The following YTHDC2 variants were observed in gnomAD, a reference collection of about 807,000 sequenced individuals.
YTHDC2 encodes 3'-5' RNA helicase YTHDC2.
A neutral mutation model predicts 174.9 loss-of-function variants in YTHDC2; 45 were observed. The ratio of observed to expected loss-of-function variants is 0.26; its 90% CI spans 0.20 to 0.33. YTHDC2 has a LOEUF of 0.33. YTHDC2 is among the 10% of genes least tolerant of loss of function. The probability of loss-of-function intolerance (pLI) is 1.00; values close to 1 mark genes in which losing one functional copy is unlikely to be tolerated. For synonymous variants in YTHDC2, 657 were observed against 574.5 expected, an observed-to-expected ratio of 1.14 and a Z score of -2.05; for missense variants, 1,650 against 1,723.7, an observed-to-expected ratio of 0.96 and a Z score of 0.76.
At chr5:113,546,226 A>G (rs1016001848) in intron 10 of YTHDC2, among the ~76,000 whole-genome samples, 2 of 152,204 alleles carry the variant, frequency 1.3e-5, no homozygotes, top group Non-Finnish European at 2.9e-5. Context: ...TTTATGATGC[A>G]TTTTAAGTAT....
chr5:113,570,758 C>G (rs1777661202), intron 23 of YTHDC2, among the ~76,000 whole-genome samples: 1 of 152,118 alleles, frequency 6.6e-6, no homozygotes, highest in Non-Finnish European at 1.5e-5. Flanking sequence ...TCAAGCAATT[C>G]TGCTGCCTCA....
chr5:113,571,179 T>TA (rs1441661628), intron 23 of YTHDC2, among the ~76,000 whole-genome samples: 1 of 152,246 alleles, frequency 6.6e-6, no homozygotes, highest in Non-Finnish European at 1.5e-5. Context: ...ATTGAGTTTT[T>TA]AACACGAAGA....
intron 4 of YTHDC2, among the ~76,000 whole-genome samples, chr5:113,528,007 A>C (rs1428109552): frequency 6.6e-6 from 1 of 152,098 alleles, no homozygotes; most frequent in Non-Finnish European, 1.5e-5. Flanking sequence ...TACTCCAGAG[A>C]ATTTGTTTAG....
intron 23 of YTHDC2, among the ~76,000 whole-genome samples, chr5:113,577,541 C>G (rs1326340035): frequency 6.6e-6 from 1 of 151,826 alleles, no homozygotes; most frequent in African/African-American, 2.4e-5. Flanking sequence ...GGCTAATGTT[C>G]ATATTTTTTG....
intron 2 of YTHDC2, among the ~76,000 whole-genome samples, chr5:113,522,331 T>A (rs1296309030): frequency 6.6e-6 from 1 of 152,160 alleles, no homozygotes; most frequent in Admixed American, 6.5e-5. Flanking sequence ...CCTTTTAAAT[T>A]AGTAAATTGA....
chr5:113,588,130 C>T (rs567935128), intron 26 of YTHDC2, among the ~76,000 whole-genome samples: 1 of 152,120 alleles, frequency 6.6e-6, no homozygotes, highest in East Asian at 1.9e-4. Flanking sequence ...ATTCTATTAG[C>T]TTTTTATGCC....
chr5:113,561,081 G>A lies in YTHDC2; in HGVS notation c.2218G>A (p.Ala740Thr). Reference protein sequence around the residue: ...KASAIQRKGRAGRCRPGICFR... With the variant: ...KASAIQRKGRTGRCRPGICFR... ...CTAATCTTGTACTTTATTTTTAAGG[G>A]CAGGGCGATGTAGACCTGGAATTTG... is the stretch of plus-strand genomic sequence containing the variant. The change falls in exon 18 of 30, where the codon GCA (alanine) becomes ACA (threonine). Residue 740 changes from alanine to threonine, a missense_variant and splice_region_variant. Physicochemically the swap from Ala to Thr is moderately conservative, Grantham distance 58. Coordinates refer to ENST00000161863, the MANE Select transcript of YTHDC2 (RefSeq NM_022828.5). 2 of 1,601,818 alleles carry A rather than the reference G, an allele frequency of 1.2e-6. No homozygotes were observed. The highest frequency in any genetic ancestry group is 1.1e-5 in the South Asian group (1 of 88,286).
chr5:113,563,214 G>A (rs1777115488), intron 18 of YTHDC2, among the ~76,000 whole-genome samples, 159 bp from the exon 19 acceptor site: 1 of 152,100 alleles, frequency 6.6e-6, no homozygotes, highest in African/African-American at 2.4e-5. Context: ...CAAAGTATGA[G>A]CTCATCTTTT....
intron 7 of YTHDC2, among the ~76,000 whole-genome samples, chr5:113,537,364 T>C (rs1041355270): frequency 2.8e-3 from 328 of 118,316 alleles, no homozygotes; most frequent in African/African-American, 6.0e-3. Context: ...TCTCTCTCTT[T>C]TTTTTTTTTT....
intron 18 of YTHDC2, 106 bp from the exon 19 acceptor site, chr5:113,563,267 A>G (rs1444148410): frequency 3.3e-6 from 3 of 897,414 alleles, no homozygotes; most frequent in African/African-American, 1.7e-5. Context: ...CTAATCAGAG[A>G]CTCTACTAGT....
intron 10 of YTHDC2, among the ~76,000 whole-genome samples, chr5:113,546,365 G>A (rs189702663): frequency 1.3e-5 from 2 of 152,266 alleles, no homozygotes; most frequent in Admixed American, 1.3e-4. Context: ...ACATTTCCCA[G>A]AGTCCAGTAT....
rs114718996 is a variant in YTHDC2 at position 113,572,102 on chromosome 5, A to G, written c.3244+4253A>G. Among the ~76,000 whole-genome samples, 989 of 152,230 alleles carry G rather than the reference A, an allele frequency of 6.5e-3. 7 individuals carry two copies. Among genetic ancestry groups the G allele is most frequent in the African/African-American group, 0.022 (921 of 41,538 alleles). On this transcript the variant is annotated intron_variant, in intron 23 of 29. Transcript: ENST00000161863. The stretch of plus-strand genomic sequence containing the variant: ...ATCTTTCTAGCTTTCTGATGTGTTC[A>G]TTTAGTGCTATGAATTTCCGTCTTA...
intron 24 of YTHDC2, among the ~76,000 whole-genome samples, chr5:113,580,693 C>G (rs1778348222): frequency 6.6e-6 from 1 of 152,210 alleles, no homozygotes; most frequent in Non-Finnish European, 1.5e-5. Flanking sequence ...CAAAGTCAGT[C>G]TGCTGTCTGG....
Position 113,563,899 on chromosome 5 carries a change from T to C in YTHDC2, c.2483T>C (p.Leu828Pro). Reference sequence around the variant, plus strand: ...GATACATGGGAAGATCTGACTGAACTTGGGTATCATTTGGCTGACTTGCCA... The same window carrying C: ...GATACATGGGAAGATCTGACTGAACCTGGGTATCATTTGGCTGACTTGCCA... ...AMDTWEDLTE[L>P]GYHLADLPVE... The change falls in exon 20 of 30, where the codon CTT becomes CCT. Residue 828 changes from leucine (L) to proline (P), a missense_variant. Physicochemically the swap from Leu to Pro is moderately conservative, Grantham distance 98. Around this residue, in one of 5 missense-constraint regions of YTHDC2, gnomAD observed 913 missense variants for 940.4 expected, o/e 0.97. Coordinates refer to ENST00000161863, the MANE Select transcript of YTHDC2 (RefSeq NM_022828.5). 4 of 1,614,202 alleles carry C rather than the reference T, an allele frequency of 2.5e-6. No individual in the cohort carries two copies. The highest frequency in any genetic ancestry group is 3.4e-6 in the Non-Finnish European group (4 of 1,180,020).
chr5:113,567,951 T>G (rs977266819), intron 23 of YTHDC2, 102 bp downstream of exon 23: 1 of 923,918 alleles, frequency 1.1e-6, no homozygotes, highest in Non-Finnish European at 1.5e-6. Context: ...TTATAAAGAT[T>G]TATATAGTAG....
rs762718719 is a variant in YTHDC2 at position 113,591,049 on chromosome 5, A to G, written c.3834A>G (p.Lys1278=). The G allele has an allele frequency of 5.0e-6, 8 of 1,613,374 alleles. No homozygotes were observed. In the African/African-American group the frequency reaches 9.3e-5, roughly 19 times the overall value. ...TATGTTTTCTTTTATAGGGCTCAAA[A>G]TCTCCTTCGCCAAGACCAAACATGC... The part of the protein sequence containing the change: ...PSPPSSGKGS[K]SPSPRPNMPV... The change falls in exon 27 of 30, where the codon AAA becomes AAG. Residue 1278 remains lysine, a synonymous_variant. Transcript: ENST00000161863.
At chr5:113,515,469 T>G (rs1199290309) in intron 2 of YTHDC2, 107 bp downstream of exon 2, 2 of 884,904 alleles carry the variant, frequency 2.3e-6, no homozygotes, top group East Asian at 2.6e-5. Flanking sequence ...TAACTTCACA[T>G]TCTTAATTGT....
chr5:113,568,942 A>C (rs992101731), intron 23 of YTHDC2, among the ~76,000 whole-genome samples: 1 of 152,160 alleles, frequency 6.6e-6, no homozygotes, highest in Non-Finnish European at 1.5e-5. Flanking sequence ...GCTGTCTCCC[A>C]TGGTGGTTGA....
At chr5:113,587,973 A>G (rs1341033750) in intron 26 of YTHDC2, among the ~76,000 whole-genome samples, 2 of 152,040 alleles carry the variant, frequency 1.3e-5, no homozygotes, top group African/African-American at 4.8e-5. Flanking sequence ...AAGTATTACA[A>G]TTTTTTGTTA....
Sources: allele counts gnomAD v4.1 joint callset (sites outside exome capture counted in the v4.1 genomes callset), GRCh38; gene constraint gnomAD v4.1.1; regional missense constraint gnomAD v4.1.1; transcripts MANE v1.5; gene names NCBI Gene and HGNC (gene_info 2026-07-23, HGNC 2026-07-21).